Variants in RBMS3 observed in about 807,000 individuals in gnomAD.
The protein encoded by RBMS3 is RNA binding motif single stranded interacting protein 3.
A neutral mutation model predicts 66.8 loss-of-function variants in RBMS3; 27 were observed. The observed-to-expected ratio is 0.40, with a 90% confidence interval of 0.30 to 0.56. The LOEUF (loss-of-function observed/expected upper bound fraction) is 0.56. Among genes scored for constraint, RBMS3 ranks in the 20% least tolerant of loss-of-function variants. RBMS3 has a pLI of 0.40. For missense variants in RBMS3, 513 were observed against 549.5 expected, an observed-to-expected ratio of 0.93 and a Z score of 0.66; for synonymous variants, 188 against 183.0, an observed-to-expected ratio of 1.03 and a Z score of -0.22.
chr3:29,439,321 A>G (rs962129929), intron 2 of RBMS3, among the ~76,000 whole-genome samples: 2 of 152,234 alleles, frequency 1.3e-5, no homozygotes, highest in Non-Finnish European at 2.9e-5. Context: ...CCAGCTGCAG[A>G]GTACGGAGAA....
intron 5 of RBMS3, among the ~76,000 whole-genome samples, chr3:29,753,272 T>A (rs1235017426): frequency 6.6e-6 from 1 of 152,162 alleles, no homozygotes; most frequent in African/African-American, 2.4e-5. Context: ...ACGATCCCAC[T>A]TTTACATTGA....
intron 3 of RBMS3, among the ~76,000 whole-genome samples, chr3:29,567,741 C>G (rs1362207708): frequency 6.6e-6 from 1 of 152,110 alleles, no homozygotes; most frequent in African/African-American, 2.4e-5. Flanking sequence ...TCCTCATAGC[C>G]TCTCTCTGTG....
At chr3:29,846,324 A>AAG (rs2058775615) in intron 6 of RBMS3, among the ~76,000 whole-genome samples, 1 of 152,084 alleles carries the variant, frequency 6.6e-6, no homozygotes, top group Admixed American at 6.5e-5. Flanking sequence ...AGGTAGAGTT[A>AAG]ATATATTTTG....
chr3:29,951,167 A>G (rs998573909), intron 12 of RBMS3, among the ~76,000 whole-genome samples: 1 of 152,046 alleles, frequency 6.6e-6, no homozygotes, highest in Non-Finnish European at 1.5e-5. Flanking sequence ...TTATTAAAAA[A>G]TAAATGAAGA....
At chr3:29,814,309 C>T (rs1360111001) in intron 6 of RBMS3, among the ~76,000 whole-genome samples, 1 of 152,162 alleles carries the variant, frequency 6.6e-6, no homozygotes, top group Non-Finnish European at 1.5e-5. Context: ...ATTGAACCAG[C>T]CTTGCATCCC....
chr3:29,667,694 T>C (rs1041068909), intron 4 of RBMS3, among the ~76,000 whole-genome samples: 1 of 152,194 alleles, frequency 6.6e-6, no homozygotes, highest in Non-Finnish European at 1.5e-5. Flanking sequence ...CTAGCAACCA[T>C]GAATATTATT....
At chr3:29,632,722 T>C (rs2049328866) in intron 4 of RBMS3, among the ~76,000 whole-genome samples, 1 of 151,804 alleles carries the variant, frequency 6.6e-6, no homozygotes, top group Non-Finnish European at 1.5e-5. Context: ...GGTAACTTCT[T>C]TGAACGAGAT....
At chr3:29,499,124 T>TA (rs925080605) in intron 3 of RBMS3, among the ~76,000 whole-genome samples, 4 of 152,172 alleles carry the variant, frequency 2.6e-5, no homozygotes, top group African/African-American at 9.6e-5. Context: ...ACTCCTTTGT[T>TA]ATGCTATTCA....
chr3:29,838,677 A>G (rs1230906090), intron 6 of RBMS3, among the ~76,000 whole-genome samples: 1 of 152,124 alleles, frequency 6.6e-6, no homozygotes, highest in East Asian at 1.9e-4. Flanking sequence ...GCTAAGTCTG[A>G]TTTAGTCAAT....
At chr3:29,720,575 T>G (rs1395923138) in intron 4 of RBMS3, among the ~76,000 whole-genome samples, 1 of 152,106 alleles carries the variant, frequency 6.6e-6, no homozygotes, top group Non-Finnish European at 1.5e-5. Flanking sequence ...TAAATGCTTT[T>G]GGATTTGAAA....
intron 6 of RBMS3, among the ~76,000 whole-genome samples, chr3:29,765,053 A>C (rs906290885): frequency 6.6e-6 from 1 of 152,050 alleles, no homozygotes; most frequent in Non-Finnish European, 1.5e-5. Flanking sequence ...TTTATAAATT[A>C]CTTTGAAAGT....
chr3:29,444,681 T>C (rs1489059676), intron 2 of RBMS3, among the ~76,000 whole-genome samples: 2 of 151,650 alleles, frequency 1.3e-5, no homozygotes, highest in African/African-American at 2.4e-5. Context: ...ATCGAGGTCA[T>C]TGGAAAACTT....
At chr3:29,470,048 AC>A (rs1352259274) in intron 2 of RBMS3, among the ~76,000 whole-genome samples, 1 of 148,506 alleles carries the variant, frequency 6.7e-6, no homozygotes, top group African/African-American at 2.4e-5. Flanking sequence ...AGAATAATAT[AC>A]TGATTATATT....
intron 5 of RBMS3, among the ~76,000 whole-genome samples, chr3:29,752,910 C>A (rs1440276051): frequency 6.6e-6 from 1 of 152,088 alleles, no homozygotes; most frequent in Admixed American, 6.5e-5. Context: ...ATATCTTAAA[C>A]AAAAGTAAGG....
At chr3:29,848,149 A>T (rs917288030) in intron 6 of RBMS3, among the ~76,000 whole-genome samples, 1 of 152,098 alleles carries the variant, frequency 6.6e-6, no homozygotes, top group African/African-American at 2.4e-5. Flanking sequence ...TTAAAGAGAG[A>T]GGGTAGCAGT....
chr3:29,772,072 G>T (rs1382533443), intron 6 of RBMS3, among the ~76,000 whole-genome samples: 1 of 151,976 alleles, frequency 6.6e-6, no homozygotes, highest in Non-Finnish European at 1.5e-5. Flanking sequence ...CGGTAGAAGA[G>T]GAGGTCAGAG....
At chr3:29,977,803 G>A (rs1697691480) in intron 12 of RBMS3, among the ~76,000 whole-genome samples, 1 of 119,294 alleles carries the variant, frequency 8.4e-6, no homozygotes, top group African/African-American at 4.5e-5. Flanking sequence ...TCATCTCATT[G>A]TGCCGTGGTC....
intron 2 of RBMS3, among the ~76,000 whole-genome samples, chr3:29,443,617 G>T (rs750952414): frequency 9.9e-5 from 15 of 152,036 alleles, no homozygotes; most frequent in Non-Finnish European, 2.1e-4. Context: ...AAATGAGCTT[G>T]TTGTATACAA....
At chr3:29,431,301 C>CTTTTTCT (rs2041184301) in intron 1 of RBMS3, among the ~76,000 whole-genome samples, 1 of 132,400 alleles carries the variant, frequency 7.6e-6, no homozygotes, top group African/African-American at 2.9e-5. Context: ...TTTTCCTTTT[C>CTTTTTCT]TTTTTTTTTT....
Sources: gnomAD v4.1 joint callset for allele counts (sites outside exome capture counted in the v4.1 genomes callset) on GRCh38, gnomAD v4.1.1 for gene constraint, MANE v1.5 for transcripts, NCBI Gene and HGNC (gene_info 2026-07-23, HGNC 2026-07-21) for gene names.